WWC2: variants seen among roughly 807,000 people sequenced by gnomAD.
WWC2 encodes WW and C2 domain containing 2.
Under a neutral mutation model 138.5 loss-of-function variants are expected in WWC2, and 101 were observed. That is an observed-to-expected ratio of 0.73 (90% confidence interval 0.62 to 0.86). WWC2 has a LOEUF of 0.86. Ranked by LOEUF, WWC2 falls within the 40% of genes least tolerant of loss-of-function variation. WWC2 has a pLI of 0.00. For missense variants in WWC2, 1,420 were observed against 1,419.4 expected, an observed-to-expected ratio of 1.00 and a Z score of -0.01; for synonymous variants, 558 against 538.4, an observed-to-expected ratio of 1.04 and a Z score of -0.50.
intron 1 of WWC2, among the ~76,000 whole-genome samples, chr4:183,133,085 C>G (rs1259522234): frequency 1.5e-5 from 2 of 130,016 alleles, no homozygotes; most frequent in Non-Finnish European, 3.2e-5. Flanking sequence ...TCTTCCCTTA[C>G]CTTTTTCCTT....
intron 1 of WWC2, among the ~76,000 whole-genome samples, chr4:183,189,571 C>T (rs1734931096): frequency 6.6e-6 from 1 of 152,190 alleles, no homozygotes; most frequent in Non-Finnish European, 1.5e-5. Flanking sequence ...ATCTTTACTT[C>T]CTCCCTGTTC....
chr4:183,209,427 C>A (rs2111242604), intron 4 of WWC2, among the ~76,000 whole-genome samples: 1 of 152,224 alleles, frequency 6.6e-6, no homozygotes, highest in East Asian at 1.9e-4. Flanking sequence ...GGGGTTTCAC[C>A]ATGTTGGCCA....
At chr4:183,230,348 C>T (rs1345309550) in intron 4 of WWC2, among the ~76,000 whole-genome samples, 1 of 150,830 alleles carries the variant, frequency 6.6e-6, no homozygotes. Context: ...ACAGAATAAG[C>T]CAAAGCCAGT....
At chr4:183,244,994 G>A (rs1410049431) in intron 5 of WWC2, among the ~76,000 whole-genome samples, 1 of 152,104 alleles carries the variant, frequency 6.6e-6, no homozygotes, top group East Asian at 1.9e-4. Flanking sequence ...AGAGAAAGGA[G>A]GGGCTGAGAC....
At chr4:183,188,330 C>A (rs1477990466) in intron 1 of WWC2, among the ~76,000 whole-genome samples, 2 of 152,092 alleles carry the variant, frequency 1.3e-5, no homozygotes, top group Non-Finnish European at 2.9e-5. Flanking sequence ...CCTCCACCTC[C>A]CAGGTTCAAG....
At chr4:183,251,098 C>T (rs934330678) in intron 8 of WWC2, among the ~76,000 whole-genome samples, 10 of 152,332 alleles carry the variant, frequency 6.6e-5, no homozygotes, top group African/African-American at 2.2e-4. Flanking sequence ...GCAATTTACT[C>T]AGCTAATTTT....
chr4:183,227,258 G>A (rs1736101626), intron 4 of WWC2, among the ~76,000 whole-genome samples: 1 of 152,096 alleles, frequency 6.6e-6, no homozygotes, highest in Non-Finnish European at 1.5e-5. Flanking sequence ...CATTTACCTG[G>A]ATGGTCTGAA....
intron 1 of WWC2, among the ~76,000 whole-genome samples, chr4:183,109,411 C>G (rs1450986131): frequency 1.3e-5 from 2 of 152,138 alleles, no homozygotes; most frequent in Non-Finnish European, 2.9e-5. Flanking sequence ...TGCCAGCAGT[C>G]CCCAACCTTT....
chr4:183,224,559 T>TTGTTTTTGTTTC (rs1481386671), intron 4 of WWC2, among the ~76,000 whole-genome samples: 4 of 152,200 alleles, frequency 2.6e-5, no homozygotes, highest in African/African-American at 9.6e-5. Flanking sequence ...AGTTTTGTTT[T>TTGTTTTTGTTTC]TGTTTTTTGT....
At chr4:183,202,083 G>A (rs1285599887) in intron 2 of WWC2, among the ~76,000 whole-genome samples, 2 of 152,172 alleles carry the variant, frequency 1.3e-5, no homozygotes, top group African/African-American at 4.8e-5. Context: ...GGGAAGGAAT[G>A]AGTGAGGCAG....
chr4:183,101,199 C>G (rs889853216), intron 1 of WWC2, among the ~76,000 whole-genome samples: 1 of 152,194 alleles, frequency 6.6e-6, no homozygotes, highest in Non-Finnish European at 1.5e-5. Context: ...AGGTTCTCTT[C>G]TTCGGTTTAC....
rs557666606 is a variant in WWC2, at chr4:183,156,295, G to A, written c.132-37304G>A. Among the ~76,000 whole-genome samples, 300 of 151,300 alleles carry A rather than the reference G, an allele frequency of 2.0e-3. 2 individuals are homozygous for A. The highest frequency in any genetic ancestry group is 6.7e-3 in the African/African-American group (276 of 41,248). ...CCTACCTCAGCCTCCTAAAGTGTTG[G>A]GATTACAGGCGTGAGCCACCATGCC... On this transcript the variant is annotated intron_variant, in intron 1 of 22. Coordinates refer to ENST00000403733, the MANE Select transcript of WWC2 (RefSeq NM_024949.6).
At chr4:183,150,427 A>G (rs1005124360) in intron 1 of WWC2, among the ~76,000 whole-genome samples, 2 of 152,206 alleles carry the variant, frequency 1.3e-5, no homozygotes, top group Admixed American at 6.5e-5. Context: ...ACAGAGTTCA[A>G]GGTCATCACA....
At chr4:183,212,430 G>T (rs1735624837) in intron 4 of WWC2, among the ~76,000 whole-genome samples, 1 of 152,060 alleles carries the variant, frequency 6.6e-6, no homozygotes, top group Admixed American at 6.5e-5. Flanking sequence ...TCTGTACCGT[G>T]TCTATATGTT....
chr4:183,212,011 TG>T (rs1353035189), intron 4 of WWC2, among the ~76,000 whole-genome samples: 1 of 151,918 alleles, frequency 6.6e-6, no homozygotes, highest in Non-Finnish European at 1.5e-5. Context: ...TTGGTAGAGA[TG>T]GGGTTTCGCC....
chr4:183,201,226 G>T (rs1289807250), intron 2 of WWC2, among the ~76,000 whole-genome samples: 7 of 152,010 alleles, frequency 4.6e-5, no homozygotes, highest in Non-Finnish European at 7.4e-5. Context: ...TGGAGGGTCT[G>T]TCCATCCTGT....
At chr4:183,251,252 G>A (rs4862153) in intron 8 of WWC2, among the ~76,000 whole-genome samples, 39,141 of 152,076 alleles carry the variant, frequency 0.26, 5,946 homozygotes, top group South Asian at 0.45. Context: ...TTTGTGGCCC[G>A]GCAATGTGCC....
chr4:183,256,861 C>G, intron 9 of WWC2, among the ~76,000 whole-genome samples: 1 of 132,530 alleles, frequency 7.5e-6, no homozygotes, highest in African/African-American at 3.0e-5. Flanking sequence ...CATGAATTTT[C>G]AGTCTCTGAG....
chr4:183,312,163 G>A (rs1739272168), intron 21 of WWC2, among the ~76,000 whole-genome samples, 178 bp from the exon 22 acceptor site: 1 of 152,202 alleles, frequency 6.6e-6, no homozygotes, highest in Admixed American at 6.5e-5. Flanking sequence ...CATATGCACA[G>A]CATGAGTTGG....
Sources: gnomAD v4.1 joint callset for allele counts (sites outside exome capture counted in the v4.1 genomes callset) on GRCh38, gnomAD v4.1.1 for gene constraint, MANE v1.5 for transcripts, NCBI Gene and HGNC (gene_info 2026-07-23, HGNC 2026-07-21) for gene names.